The following CNNM2 variants were observed in gnomAD, a reference collection of about 807,000 sequenced individuals.
CNNM2 encodes the protein cyclin and CBS domain divalent metal cation transport mediator 2, also known as metal transporter CNNM2.
Under a neutral mutation model 66.9 loss-of-function variants are expected in CNNM2, and 12 were observed. The ratio of observed to expected loss-of-function variants is 0.18; its 90% CI spans 0.11 to 0.29. The LOEUF (loss-of-function observed/expected upper bound fraction) is 0.29. Ranked by LOEUF, CNNM2 falls within the 10% of genes least tolerant of loss-of-function variation. The pLI is 1.00. For missense variants in CNNM2, 705 were observed against 1,167.7 expected, an observed-to-expected ratio of 0.60 and a Z score of 5.77; for synonymous variants, 557 against 501.8, an observed-to-expected ratio of 1.11 and a Z score of -1.47.
Position 102,920,067 on chromosome 10 carries a change from C to T in CNNM2, c.1587C>T (p.Thr529=), listed in dbSNP as rs998058765. Reference sequence around the variant, plus strand: ...CCTTGCACTTTGTTTTCAATGACACCAAGTTGGACGCTATGCTGGAAGAAT... The same window carrying T: ...CCTTGCACTTTGTTTTCAATGACACTAAGTTGGACGCTATGCTGGAAGAAT... ...NHPLHFVFND[T]KLDAMLEEFK... Residue 529 remains threonine, a synonymous_variant, in exon 1 of 8, where the codon ACC becomes ACT. Coordinates refer to ENST00000369878, the MANE Select transcript of CNNM2 (RefSeq NM_017649.5). 2 of 1,614,152 alleles carry T rather than the reference C, an allele frequency of 1.2e-6. No individual in the cohort carries two copies.
intron 1 of CNNM2, among the ~76,000 whole-genome samples, chr10:102,930,689 C>G (rs1246067057): frequency 6.6e-6 from 1 of 152,176 alleles, no homozygotes; most frequent in Non-Finnish European, 1.5e-5. Context: ...AAACTCCATA[C>G]CTCTTTGCAG....
chr10:102,974,293 A>G (rs1301906864), intron 1 of CNNM2, among the ~76,000 whole-genome samples: 5 of 152,234 alleles, frequency 3.3e-5, no homozygotes, highest in South Asian at 2.1e-4. Flanking sequence ...TACATGTCCA[A>G]ATTTGAACTC....
intron 1 of CNNM2, among the ~76,000 whole-genome samples, chr10:102,958,459 GTTTTTTTTTTTT>G (rs33992570): frequency 6.8e-4 from 35 of 51,748 alleles, no homozygotes; most frequent in African/African-American, 1.9e-3. Context: ...CAAGCAACTT[GTTTTTTTTTTTT>G]TTTTTTTTTT....
chr10:102,950,004 C>T (rs975199266), intron 1 of CNNM2, among the ~76,000 whole-genome samples: 5 of 152,254 alleles, frequency 3.3e-5, no homozygotes, highest in African/African-American at 9.6e-5. Context: ...TAAAGCACGA[C>T]CACTATAGAA....
intron 1 of CNNM2, among the ~76,000 whole-genome samples, chr10:102,930,894 A>G (rs899947071): frequency 1.3e-5 from 2 of 152,128 alleles, no homozygotes; most frequent in Non-Finnish European, 2.9e-5. Flanking sequence ...TTACGGCCAA[A>G]TATTCAGTTT....
In CNNM2 at chr10:103,090,058, T is replaced by C; in HGVS notation, c.*12878T>C. The C allele has an allele frequency of 1.9e-6, 1 of 534,158 alleles. No homozygotes were observed. The highest frequency in any genetic ancestry group is 3.2e-6 in the Non-Finnish European group (1 of 316,604). The allele number at this position is 534,158 out of a possible 1,614,324, so 33.1% of individuals were successfully genotyped here. A position where few individuals can be genotyped will look rare whatever the true frequency, so the allele number is the denominator to read the frequency against. ...CAATATAGACTTATCTTCATAGAACTACTTATAGTTGCCTGTCTTCCTCTC... is the reference window on the plus strand; with the variant it reads ...CAATATAGACTTATCTTCATAGAACCACTTATAGTTGCCTGTCTTCCTCTC... On this transcript the variant is annotated 3_prime_UTR_variant, in exon 8 of 8. Coordinates refer to ENST00000369878, the MANE Select transcript of CNNM2 (RefSeq NM_017649.5).
At chr10:102,967,508 C>A (rs988171649) in intron 1 of CNNM2, among the ~76,000 whole-genome samples, 3 of 152,136 alleles carry the variant, frequency 2.0e-5, no homozygotes, top group African/African-American at 7.2e-5. Flanking sequence ...TAGAAATTTC[C>A]TATAAAAGGA....
chr10:102,976,425 CTTTTTTTTTT>C (rs1206577839), intron 1 of CNNM2, among the ~76,000 whole-genome samples: 3 of 34,690 alleles, frequency 8.6e-5, no homozygotes, highest in East Asian at 8.7e-4. Context: ...CAATTCTTGC[CTTTTTTTTTT>C]TTTTTTTTTT....
At chr10:102,920,475 C>T (rs1845586185) in intron 1 of CNNM2, among the ~76,000 whole-genome samples, 2 of 151,950 alleles carry the variant, frequency 1.3e-5, no homozygotes, top group African/African-American at 4.8e-5. Context: ...TAGGGGCTGG[C>T]TGATGCCATG....
intron 1 of CNNM2, among the ~76,000 whole-genome samples, chr10:102,944,843 G>A (rs1476113267): frequency 6.6e-6 from 1 of 152,042 alleles, no homozygotes; most frequent in Non-Finnish European, 1.5e-5. Flanking sequence ...ATCCAGAATA[G>A]CTCCTTTGCC....
intron 1 of CNNM2, among the ~76,000 whole-genome samples, chr10:102,934,067 C>T (rs1031463356): frequency 1.4e-5 from 2 of 147,784 alleles, no homozygotes; most frequent in Non-Finnish European, 3.0e-5. Context: ...TGATCTTGAA[C>T]TCCTGGCCTT....
In CNNM2 at chr10:103,077,475, A is replaced by C; in HGVS notation, c.*295A>C. The C allele has an allele frequency of 2.5e-6, 1 of 402,728 alleles. No homozygotes were observed. The highest frequency in any genetic ancestry group is 4.2e-5 in the South Asian group (1 of 24,056). 24.9% of individuals were successfully genotyped at this position (402,728 alleles called of 1,614,324 possible). A position where few individuals can be genotyped will look rare whatever the true frequency, so the allele number is the denominator to read the frequency against. On this transcript the variant is annotated 3_prime_UTR_variant, in exon 8 of 8. Coordinates refer to ENST00000369878, the MANE Select transcript of CNNM2 (RefSeq NM_017649.5). ...TCAGCTCTCCCTTTTATCATTATTCACACTCCTCTGCCCTCGATTTGCATG... is the reference window on the plus strand; with the variant it reads ...TCAGCTCTCCCTTTTATCATTATTCCCACTCCTCTGCCCTCGATTTGCATG...
In CNNM2 at chr10:103,090,172, CA is replaced by C; in HGVS notation, c.*12997del. Reference sequence around the variant, plus strand: ...GGGGAGTTTACTTTCTATTTTACAGCAAAAACAAGATAGTCCTGAAACAGAT... The same window carrying C: ...GGGGAGTTTACTTTCTATTTTACAGCAAAACAAGATAGTCCTGAAACAGAT... On this transcript the variant is annotated 3_prime_UTR_variant, in exon 8 of 8. Coordinates refer to ENST00000369878, the MANE Select transcript of CNNM2 (RefSeq NM_017649.5). 1 of 408,372 alleles carries C rather than the reference CA, an allele frequency of 2.4e-6. No homozygotes were observed. Among genetic ancestry groups the C allele is most frequent in the East Asian group, 3.8e-5 (1 of 26,500 alleles). The allele number at this position is 408,372 out of a possible 1,614,324, so 25.3% of individuals were successfully genotyped here. A position where few individuals can be genotyped will look rare whatever the true frequency, so the allele number is the denominator to read the frequency against.
chr10:103,082,937 T>G lies in CNNM2; in HGVS notation c.*5757T>G, dbSNP rs2065771288. ...GCAGGTCACTTGCCTGGCCCCACAG[T>G]GATAATGGTTTCTTCCACTTACCTT... is the stretch of plus-strand genomic sequence containing the variant. On this transcript the variant is annotated 3_prime_UTR_variant, in exon 8 of 8. Transcript: ENST00000369878. 6.6e-6 allele frequency: 1 copy of G among 152,168 alleles called. No individual in the cohort carries two copies. The highest frequency in any genetic ancestry group is 1.5e-5 in the Non-Finnish European group (1 of 68,034). The allele number at this position is 152,168 out of a possible 1,614,324, so 9.4% of individuals were successfully genotyped here.
intron 6 of CNNM2, among the ~76,000 whole-genome samples, chr10:103,072,425 A>G (rs961961861): frequency 6.8e-6 from 1 of 146,886 alleles, no homozygotes; most frequent in Non-Finnish European, 1.5e-5. Context: ...ACTTCTCCCC[A>G]CCACCAGGCA....
At chr10:103,010,382 C>T (rs2064319435) in intron 1 of CNNM2, among the ~76,000 whole-genome samples, 1 of 151,992 alleles carries the variant, frequency 6.6e-6, no homozygotes, top group African/African-American at 2.4e-5. Flanking sequence ...GGACTACAGG[C>T]ATGTGCCACC....
chr10:103,066,855 G>A (rs1234981623), intron 4 of CNNM2, among the ~76,000 whole-genome samples: 1 of 152,138 alleles, frequency 6.6e-6, no homozygotes, highest in Non-Finnish European at 1.5e-5. Flanking sequence ...TCATCTCTAG[G>A]GCCCTGCCTG....
At chr10:102,965,758 C>T (rs1398306566) in intron 1 of CNNM2, among the ~76,000 whole-genome samples, 1 of 152,152 alleles carries the variant, frequency 6.6e-6, no homozygotes, top group Non-Finnish European at 1.5e-5. Context: ...TTTGTCCTAC[C>T]ATCTCTGAAA....
rs549282609 is a variant in CNNM2, at chr10:103,054,147, G to A, written c.1766-182G>A. Among the ~76,000 whole-genome samples the A allele has an allele frequency of 8.2e-4, 125 of 152,288 alleles. No individual in the cohort carries two copies. Among genetic ancestry groups the A allele is most frequent in the African/African-American group, 2.4e-3 (100 of 41,568 alleles). ...CGGACTGCGTGGTGCCCAGGCCGCC[G>A]TGCTGATTTGATGAGGATCTGGCTC... On this transcript the variant is annotated intron_variant, in intron 2 of 7. Transcript: ENST00000369878. The surrounding 1 kb of genome is among the most constrained non-coding windows in gnomAD (Gnocchi z 5.2).
Sources: gnomAD v4.1 joint callset for allele counts (sites outside exome capture counted in the v4.1 genomes callset) on GRCh38, gnomAD v4.1.1 for gene constraint, Gnocchi (gnomAD v3.1) non-coding constraint, MANE v1.5 for transcripts, NCBI Gene and HGNC (gene_info 2026-07-23, HGNC 2026-07-21) for gene names.